KISS1: variants seen among roughly 807,000 people sequenced by gnomAD.
KISS1 encodes KiSS-1 metastasis suppressor.
For synonymous variants in KISS1, 97 were observed against 88.7 expected (o/e 1.09, Z -0.52); for missense variants, 182 against 182.7 (o/e 1.00, Z 0.02).
chr1:204,192,739 G>T lies in KISS1; in HGVS notation c.103+35C>A. Reference sequence around the variant, plus strand: ...AAGCTCATTTTGCAACAACCCACTTGCTCCCTCCCACTCCTTTCCCCAGAG... The same window carrying T: ...AAGCTCATTTTGCAACAACCCACTTTCTCCCTCCCACTCCTTTCCCCAGAG... On this transcript the variant is annotated intron_variant, in intron 2 of 2. Transcript: ENST00000367194. The surrounding 1 kb of genome is among the most constrained non-coding windows in gnomAD (Gnocchi z 4.2). 1 of 1,335,526 alleles carries T rather than the reference G, an allele frequency of 7.5e-7. No individual in the cohort carries two copies. The highest frequency in any genetic ancestry group is 1.1e-6 in the Non-Finnish European group (1 of 942,314). 82.7% of individuals were successfully genotyped at this position (1,335,526 alleles called of 1,614,324 possible).
chr1:204,190,541 G>T lies in KISS1; in HGVS notation c.360C>A (p.Arg120=). Residue 120 remains arginine (R), a synonymous_variant, in exon 3 of 3, where the codon CGC becomes CGA. Transcript: ENST00000367194. ...CTGGTGCCGCCTCCCGCTTGCCGAA[G>T]CGCAGGCCGAAGGAGTTCCAGTTGT... The part of the protein sequence containing the change: ...PNYNWNSFGL[R]FGKREAAPGN... The T allele has an allele frequency of 6.2e-7, 1 of 1,609,134 alleles. No homozygotes were observed. The highest frequency in any genetic ancestry group is 1.1e-5 in the South Asian group (1 of 90,210).
chr1:204,194,628 G>A (rs1658802035), intron 1 of KISS1, among the ~76,000 whole-genome samples: 1 of 152,196 alleles, frequency 6.6e-6, no homozygotes, highest in African/African-American at 2.4e-5. Context: ...CACTGTAAAT[G>A]ACATACCGGA....
chr1:204,194,879 G>A (rs1181169070), intron 1 of KISS1, among the ~76,000 whole-genome samples: 1 of 152,098 alleles, frequency 6.6e-6, no homozygotes, highest in Non-Finnish European at 1.5e-5. Context: ...GAGAAAGCTA[G>A]TGACAAGGCT....
chr1:204,191,902 C>T (rs559581025), intron 2 of KISS1, among the ~76,000 whole-genome samples: 36 of 152,324 alleles, frequency 2.4e-4, no homozygotes, highest in African/African-American at 8.4e-4. Flanking sequence ...CCCTATATCC[C>T]TGGGCAGTGT....
In KISS1 at chr1:204,195,027, G is replaced by A. The variant is rs142833613; in HGVS notation, c.-39+1349C>T. Reference sequence around the variant, plus strand: ...GGAGGGCAGTGGGCTTGTGTGGTTGGAGGGTGGTACTCTTTCTTCCGGCTC... The same window carrying A: ...GGAGGGCAGTGGGCTTGTGTGGTTGAAGGGTGGTACTCTTTCTTCCGGCTC... On this transcript the variant is annotated intron_variant, in intron 1 of 2. Coordinates refer to ENST00000367194, the MANE Select transcript of KISS1 (RefSeq NM_002256.4). 6.6e-3 allele frequency among the ~76,000 whole-genome samples: 1,000 copies of A among 151,966 alleles called. 12 individuals carry two copies. The highest frequency in any genetic ancestry group is 0.011 in the Admixed American group (174 of 15,272).
Position 204,192,764 on chromosome 1 carries a change from G to A in KISS1, c.103+10C>T, listed in dbSNP as rs903743161. 5 of 1,554,286 alleles carry A rather than the reference G, an allele frequency of 3.2e-6. No homozygotes were observed. Among genetic ancestry groups the A allele is most frequent in the Non-Finnish European group, 4.4e-6 (5 of 1,134,734 alleles). ...GCTCCCTCCCACTCCTTTCCCCAGA[G>A]GATACATACCTGTGGGTCTAGAATT... On this transcript the variant is annotated intron_variant, in intron 2 of 2. Transcript: ENST00000367194. The surrounding 1 kb of genome is among the most constrained non-coding windows in gnomAD (Gnocchi z 4.2).
At chr1:204,193,710 T>C (rs1006341284) in intron 1 of KISS1, among the ~76,000 whole-genome samples, 1 of 152,138 alleles carries the variant, frequency 6.6e-6, no homozygotes, top group Non-Finnish European at 1.5e-5. Flanking sequence ...AGGCTATGAA[T>C]TGAATTGGCC....
chr1:204,190,532 C>A lies in KISS1; in HGVS notation c.369G>T (p.Lys123Asn), dbSNP rs1246419762. Residue 123 changes from lysine to asparagine, a missense_variant, in exon 3 of 3, where the codon AAG becomes AAT. Physicochemically the swap from Lys to Asn is moderately conservative, Grantham distance 94. Coordinates refer to ENST00000367194, the MANE Select transcript of KISS1 (RefSeq NM_002256.4). ...NWNSFGLRFGKREAAPGNHGR... is the reference protein window; with the variant it reads ...NWNSFGLRFGNREAAPGNHGR... ...CGTGGTTCCCTGGTGCCGCCTCCCG[C>A]TTGCCGAAGCGCAGGCCGAAGGAGT... is the stretch of plus-strand genomic sequence containing the variant. 1.2e-6 allele frequency: 2 copies of A among 1,609,084 alleles called. No individual in the cohort carries two copies.
rs1011571096 is a variant in KISS1, at chr1:204,192,393, T to G, written c.103+381A>C. Among the ~76,000 whole-genome samples, 5 of 74,358 alleles carry G rather than the reference T, an allele frequency of 6.7e-5. No individual in the cohort carries two copies. The highest frequency in any genetic ancestry group is 6.7e-4 in the East Asian group (1 of 1,496). 48.8% of individuals were successfully genotyped at this position (74,358 alleles called of 152,430 possible). The stretch of plus-strand genomic sequence containing the variant: ...TCAAATATCTGCCCTTTGGTTTAGG[T>G]TTTTTTTTTTTTCCAAATTCTCCAC... On this transcript the variant is annotated intron_variant, in intron 2 of 2. Transcript: ENST00000367194. This position sits in a 1 kb window ranked among gnomAD's most constrained non-coding sequence, Gnocchi z 4.2.
At position 204,190,483 on chromosome 1, in the gene KISS1, CT is replaced by C. The variant is rs71745629; in HGVS notation, c.417del (p.Ter139TrpfsTer8). 344,031 of 1,600,964 alleles carry C rather than the reference CT, an allele frequency of 0.21. 39,128 individuals carry two copies. The highest frequency in any genetic ancestry group is 0.44 in the East Asian group (19,458 of 44,292). On this transcript the variant is annotated frameshift_variant and stop_lost, in exon 3 of 3. Transcript: ENST00000367194. LOFTEE classifies it high-confidence loss of function. ...AAGTTCACTGCCCCGCACCTGCGCCCTCAGCCCCGCCCAGCGCTTCTGCCGT... is the reference window on the plus strand; with the variant it reads ...AAGTTCACTGCCCCGCACCTGCGCCCCAGCCCCGCCCAGCGCTTCTGCCGT... ...GNHGRSAGRG[*>X]
In KISS1 at chr1:204,190,530, C is replaced by G; in HGVS notation, c.371G>C (p.Arg124Pro). 6.2e-7 allele frequency: 1 copy of G among 1,609,128 alleles called. No individual in the cohort carries two copies. The highest frequency in any genetic ancestry group is 1.7e-5 in the Admixed American group (1 of 59,770). The change falls in exon 3 of 3, where the codon CGG becomes CCG. Residue 124 changes from arginine to proline, a missense_variant. By Grantham distance (103) the Arg-to-Pro change is moderately radical (BLOSUM62 -2). Transcript: ENST00000367194. ...GCCGTGGTTCCCTGGTGCCGCCTCC[C>G]GCTTGCCGAAGCGCAGGCCGAAGGA... The part of the protein sequence containing the change: ...WNSFGLRFGK[R>P]EAAPGNHGRS...
rs753395436 is a variant in KISS1, at chr1:204,192,828, G to T, written c.49C>A (p.His17Asn). Reference protein sequence around the residue: ...WQLLLFLCATHFGEPLEKVAS... With the variant: ...WQLLLFLCATNFGEPLEKVAS... ...ACCTTTTCTAATGGCTCCCCAAAGTGGGTGGCACAGAGGAAAAGCAGTAGC... is the reference window on the plus strand; with the variant it reads ...ACCTTTTCTAATGGCTCCCCAAAGTTGGTGGCACAGAGGAAAAGCAGTAGC... The change falls in exon 2 of 3, where the codon CAC (histidine) becomes AAC (asparagine). Residue 17 changes from histidine (H) to asparagine (N), a missense_variant. By Grantham distance (68) the His-to-Asn change is moderately conservative (BLOSUM62 1). Coordinates refer to ENST00000367194, the MANE Select transcript of KISS1 (RefSeq NM_002256.4). This position sits in a 1 kb window ranked among gnomAD's most constrained non-coding sequence, Gnocchi z 4.2. 34 of 1,599,170 alleles carry T rather than the reference G, an allele frequency of 2.1e-5. No homozygotes were observed. The highest frequency in any genetic ancestry group is 2.7e-5 in the Non-Finnish European group (32 of 1,171,344).
In KISS1 at chr1:204,192,559, C is replaced by T. The variant is rs1341691792; in HGVS notation, c.103+215G>A. ...GCTCAAGGGTTAATAAGCCCTGGAACCTAGGTGGGCGGACTGAGGCCATCA... is the reference window on the plus strand; with the variant it reads ...GCTCAAGGGTTAATAAGCCCTGGAATCTAGGTGGGCGGACTGAGGCCATCA... On this transcript the variant is annotated intron_variant, in intron 2 of 2. Transcript: ENST00000367194. This position sits in a 1 kb window ranked among gnomAD's most constrained non-coding sequence, Gnocchi z 4.2. Among the ~76,000 whole-genome samples the T allele has an allele frequency of 1.3e-5, 2 of 152,164 alleles. No homozygotes were observed. Among genetic ancestry groups the T allele is most frequent in the Non-Finnish European group, 2.9e-5 (2 of 68,036 alleles).
At position 204,192,985 on chromosome 1, in the gene KISS1, AG is replaced by A; in HGVS notation, c.-38-72del. On this transcript the variant is annotated intron_variant, in intron 1 of 2. Coordinates refer to ENST00000367194, the MANE Select transcript of KISS1 (RefSeq NM_002256.4). The surrounding 1 kb of genome is among the most constrained non-coding windows in gnomAD (Gnocchi z 4.2). ...GGGCTGGGTGCTGAGGGCAGAGCCC[AG>A]TGCAAAAGGGACAGTCCTCCAAGAG... The A allele has an allele frequency of 1.3e-6, 1 of 777,844 alleles. No homozygotes were observed. Among genetic ancestry groups the A allele is most frequent in the East Asian group, 2.7e-5 (1 of 37,300 alleles). 48.2% of individuals were successfully genotyped at this position (777,844 alleles called of 1,614,324 possible). A position where few individuals can be genotyped will look rare whatever the true frequency, so the allele number is the denominator to read the frequency against.
chr1:204,196,069 G>A (rs988525962), intron 1 of KISS1, among the ~76,000 whole-genome samples: 25 of 152,200 alleles, frequency 1.6e-4, no homozygotes, highest in African/African-American at 5.5e-4. Context: ...CCATCCAAGC[G>A]TGTCTGTGGT....
chr1:204,192,673 A>G lies in KISS1; in HGVS notation c.103+101T>C, dbSNP rs1286917649. On this transcript the variant is annotated intron_variant, in intron 2 of 2. Coordinates refer to ENST00000367194, the MANE Select transcript of KISS1 (RefSeq NM_002256.4). The surrounding 1 kb of genome is among the most constrained non-coding windows in gnomAD (Gnocchi z 4.2). ...CAGTCTTAGATTTCCACCAAATGCAATGTTAAACTCACACCAGTCGACTAG... is the reference window on the plus strand; with the variant it reads ...CAGTCTTAGATTTCCACCAAATGCAGTGTTAAACTCACACCAGTCGACTAG... The G allele has an allele frequency of 5.3e-6, 4 of 759,364 alleles. No homozygotes were observed. Among genetic ancestry groups the G allele is most frequent in the Non-Finnish European group, 9.4e-6 (4 of 426,822 alleles). The allele number at this position is 759,364 out of a possible 1,614,324, so 47.0% of individuals were successfully genotyped here. A position where few individuals can be genotyped will look rare whatever the true frequency, so the allele number is the denominator to read the frequency against.
At chr1:204,196,047 G>A (rs1412169034) in intron 1 of KISS1, among the ~76,000 whole-genome samples, 2 of 152,176 alleles carry the variant, frequency 1.3e-5, no homozygotes, top group African/African-American at 2.4e-5. Flanking sequence ...AGCCCCGAGC[G>A]GTTCCCTAGG....
At position 204,190,429 on chromosome 1, in the gene KISS1, C is replaced by CCCCCCCCCCCCCCCCCCCCCT; in HGVS notation, c.*54_*55insAGGGGGGGGGGGGGGGGGGGG. 1 of 998,576 alleles carries CCCCCCCCCCCCCCCCCCCCCT rather than the reference C, an allele frequency of 1.0e-6. No homozygotes were observed. The highest frequency in any genetic ancestry group is 1.5e-6 in the Non-Finnish European group (1 of 661,876). 61.9% of individuals were successfully genotyped at this position (998,576 alleles called of 1,614,324 possible). A position where few individuals can be genotyped will look rare whatever the true frequency, so the allele number is the denominator to read the frequency against. ...CTACGTCCCCGCCCCCCGCCCCCGC[C>CCCCCCCCCCCCCCCCCCCCCT]CCGCATGCTCTGACTCCTTTGGGGT... On this transcript the variant is annotated 3_prime_UTR_variant, in exon 3 of 3. Coordinates refer to ENST00000367194, the MANE Select transcript of KISS1 (RefSeq NM_002256.4).
rs1658758062 is a variant in KISS1, at chr1:204,192,357, G to A, written c.103+417C>T. On this transcript the variant is annotated intron_variant, in intron 2 of 2. Coordinates refer to ENST00000367194, the MANE Select transcript of KISS1 (RefSeq NM_002256.4). This position sits in a 1 kb window ranked among gnomAD's most constrained non-coding sequence, Gnocchi z 4.2. ...GGAGACAGTTCATTGTCTCCAAAAG[G>A]TTAATAGGTATCAAATATCTGCCCT... Among the ~76,000 whole-genome samples the A allele has an allele frequency of 6.6e-6, 1 of 151,034 alleles. No homozygotes were observed. The highest frequency in any genetic ancestry group is 2.4e-5 in the African/African-American group (1 of 41,098).
Sources: gnomAD v4.1 joint callset for allele counts (sites outside exome capture counted in the v4.1 genomes callset) on GRCh38, gnomAD v4.1.1 for gene constraint, Gnocchi (gnomAD v3.1) non-coding constraint, MANE v1.5 for transcripts, NCBI Gene and HGNC (gene_info 2026-07-23, HGNC 2026-07-21) for gene names.